The following RCL1 variants were observed in gnomAD, a reference collection of about 807,000 sequenced individuals.
The protein encoded by RCL1 is RNA 3'-terminal phosphate cyclase-like protein.
A neutral mutation model predicts 42.4 loss-of-function variants in RCL1; 24 were observed. The ratio of observed to expected loss-of-function variants is 0.57; its 90% confidence interval spans 0.41 to 0.80. RCL1 has a LOEUF of 0.80. Ranked by LOEUF, RCL1 falls within the 30% of genes least tolerant of loss-of-function variation. RCL1 has a pLI of 0.00. For missense variants in RCL1, 578 were observed against 467.9 expected (o/e 1.24, Z -2.17); for synonymous variants, 228 against 177.3 (o/e 1.29, Z -2.27).
intron 1 of RCL1, among the ~76,000 whole-genome samples, chr9:4,820,744 A>G (rs919625489): frequency 1.3e-5 from 2 of 152,248 alleles, no homozygotes; most frequent in Non-Finnish European, 2.9e-5. Flanking sequence ...AAACCTAAGT[A>G]GAAAGTGGCA....
At chr9:4,833,117 CTTAA>C in intron 3 of RCL1, 33 bp from the exon 4 acceptor site, 2 of 1,426,058 alleles carry the variant, frequency 1.4e-6, no homozygotes, top group Non-Finnish European at 2.0e-6. Context: ...CTGCTGAAGG[CTTAA>C]TTAAACTTTT....
intron 8 of RCL1, among the ~76,000 whole-genome samples, chr9:4,849,907 G>T (rs112587014): frequency 0.032 from 4,814 of 152,094 alleles, 74 homozygotes; most frequent in African/African-American, 0.05. Flanking sequence ...TGTCTAACTT[G>T]CTGTGGGAAA....
chr9:4,805,225 A>C (rs1843082788), intron 1 of RCL1, among the ~76,000 whole-genome samples: 1 of 152,120 alleles, frequency 6.6e-6, no homozygotes, highest in Non-Finnish European at 1.5e-5. Context: ...AACAAAAAAA[A>C]CAAACAAAAC....
chr9:4,819,077 A>G (rs149846215), intron 1 of RCL1, among the ~76,000 whole-genome samples: 1 of 152,314 alleles, frequency 6.6e-6, no homozygotes, highest in East Asian at 1.9e-4. Context: ...TTATAATTTA[A>G]ATTTTGTGTA....
chr9:4,825,832 G>A (rs1003929778), intron 2 of RCL1, among the ~76,000 whole-genome samples: 1 of 151,976 alleles, frequency 6.6e-6, no homozygotes, highest in African/African-American at 2.4e-5. Context: ...TTTTTGGATA[G>A]CCAGGCACAA....
chr9:4,794,318 G>A (rs1388761576), intron 1 of RCL1, among the ~76,000 whole-genome samples: 1 of 152,216 alleles, frequency 6.6e-6, no homozygotes, highest in Admixed American at 6.5e-5. Flanking sequence ...AGGTTAGGAA[G>A]GAAAGAAGCA....
In RCL1 at chr9:4,847,538, G is replaced by A. The variant is rs190913036; in HGVS notation, c.868-1909G>A. 2.0e-5 allele frequency among the ~76,000 whole-genome samples: 3 copies of A among 152,148 alleles called. No homozygotes were observed. In the East Asian group the frequency reaches 5.8e-4, roughly 29 times the overall value. Reference sequence around the variant, plus strand: ...CATCCTTTTCACTGCTCTAATCACTGCCTGCCTCCCTGCTCCACTCCACAA... The same window carrying A: ...CATCCTTTTCACTGCTCTAATCACTACCTGCCTCCCTGCTCCACTCCACAA... On this transcript the variant is annotated intron_variant, in intron 7 of 8. Transcript: ENST00000381750.
chr9:4,817,469 AT>A (rs113177176), intron 1 of RCL1, among the ~76,000 whole-genome samples: 97,089 of 130,950 alleles, frequency 0.74, 35,013 homozygotes, highest in East Asian at 0.93. Flanking sequence ...TTTTTTTTTA[AT>A]CTTTTTTTTT....
At position 4,860,110 on chromosome 9, in the gene RCL1, T is replaced by A; in HGVS notation, c.972-15T>A. The stretch of plus-strand genomic sequence containing the variant: ...AATTTCTTTTTATTTATTTATTTAT[T>A]TTTTTCCTTTTTAGGATAGAATTTT... On this transcript the variant is annotated splice_polypyrimidine_tract_variant and intron_variant, in intron 8 of 8. Coordinates refer to ENST00000381750, the MANE Select transcript of RCL1 (RefSeq NM_005772.5). 6.6e-7 allele frequency: 1 copy of A among 1,506,306 alleles called. No individual in the cohort carries two copies. The highest frequency in any genetic ancestry group is 8.9e-7 in the Non-Finnish European group (1 of 1,117,688). The allele number at this position is 1,506,306 out of a possible 1,614,324, so 93.3% of individuals were successfully genotyped here.
chr9:4,815,407 T>C (rs1033198782), intron 1 of RCL1, among the ~76,000 whole-genome samples: 3 of 152,202 alleles, frequency 2.0e-5, no homozygotes, highest in African/African-American at 7.2e-5. Flanking sequence ...AGTTCTATTA[T>C]ATTTATTTCA....
intron 8 of RCL1, among the ~76,000 whole-genome samples, chr9:4,851,883 C>CTTTT (rs1374859963): frequency 1.3e-4 from 4 of 29,732 alleles, no homozygotes; most frequent in South Asian, 1.1e-3. Flanking sequence ...ATGTGTGAAA[C>CTTTT]TCTTTTTTTT....
rs116636927 is a variant in RCL1 at position 4,823,154 on chromosome 9, C to G, written c.137-394C>G. 3.4e-3 allele frequency among the ~76,000 whole-genome samples: 520 copies of G among 152,240 alleles called. 4 individuals are homozygous for G. Among genetic ancestry groups the G allele is most frequent in the African/African-American group, 0.012 (491 of 41,540 alleles). ...CATTCTGGAGCAGGGAAGAATCTGA[C>G]TTTAAAATTGTTCCCTACTTTCTAC... On this transcript the variant is annotated intron_variant, in intron 1 of 8. Coordinates refer to ENST00000381750, the MANE Select transcript of RCL1 (RefSeq NM_005772.5).
intron 7 of RCL1, among the ~76,000 whole-genome samples, chr9:4,846,190 T>G (rs1455483762): frequency 6.6e-6 from 1 of 152,198 alleles, no homozygotes; most frequent in African/African-American, 2.4e-5. Flanking sequence ...ATGGAACACA[T>G]GAGAATGAGC....
At chr9:4,828,928 A>G (rs1196321440) in intron 3 of RCL1, among the ~76,000 whole-genome samples, 1 of 152,244 alleles carries the variant, frequency 6.6e-6, no homozygotes. Flanking sequence ...TAAAATAAAT[A>G]TACTTAATCC....
At chr9:4,841,196 T>C (rs1817307115) in intron 5 of RCL1, 36 bp from the exon 6 acceptor site, 1 of 1,613,352 alleles carries the variant, frequency 6.2e-7, no homozygotes, top group Non-Finnish European at 8.5e-7. Context: ...TGTCCTGGAA[T>C]TCAAGCAGAA....
rs1182383177 is a variant in RCL1, at chr9:4,827,372, C to T, written c.384+339C>T. The T allele has an allele frequency of 8.7e-6, 8 of 922,062 alleles. No individual in the cohort carries two copies. In the East Asian group the frequency reaches 1.4e-4, roughly 16 times the overall value. 57.1% of individuals were successfully genotyped at this position (922,062 alleles called of 1,614,324 possible). A position where few individuals can be genotyped will look rare whatever the true frequency, so the allele number is the denominator to read the frequency against. On this transcript the variant is annotated intron_variant, in intron 3 of 8. Transcript: ENST00000381750. ...GAGTTTTTGTAAGATCCTGTGGTAG[C>T]TGAGGCTGGAGGGCAGCTGACCAAA...
At chr9:4,847,150 A>T (rs1180819778) in intron 7 of RCL1, among the ~76,000 whole-genome samples, 1 of 152,134 alleles carries the variant, frequency 6.6e-6, no homozygotes, top group African/African-American at 2.4e-5. Context: ...AAGTGCTGGG[A>T]TTACAGACGT....
rs1818160986 is a variant in RCL1, at chr9:4,861,057, C to T, written c.*782C>T. 2.0e-5 allele frequency: 3 copies of T among 152,196 alleles called. No homozygotes were observed. The highest frequency in any genetic ancestry group is 2.0e-4 in the Admixed American group (3 of 15,272). The allele number at this position is 152,196 out of a possible 1,614,324, so 9.4% of individuals were successfully genotyped here. A position where few individuals can be genotyped will look rare whatever the true frequency, so the allele number is the denominator to read the frequency against. On this transcript the variant is annotated 3_prime_UTR_variant, in exon 9 of 9. Transcript: ENST00000381750. ...ATAATGTAAAGACATTAAATCTCCTCATTTAAGGATCTAAGTGTAATAAGT... is the reference window on the plus strand; with the variant it reads ...ATAATGTAAAGACATTAAATCTCCTTATTTAAGGATCTAAGTGTAATAAGT...
chr9:4,829,424 C>T (rs1193173060), intron 3 of RCL1, among the ~76,000 whole-genome samples: 3 of 152,074 alleles, frequency 2.0e-5, no homozygotes, highest in Non-Finnish European at 2.9e-5. Flanking sequence ...AAGATCATTC[C>T]CATTTGACAA....
Sources: allele counts gnomAD v4.1 joint callset (sites outside exome capture counted in the v4.1 genomes callset), GRCh38; gene constraint gnomAD v4.1.1; transcripts MANE v1.5; gene names NCBI Gene and HGNC (gene_info 2026-07-23, HGNC 2026-07-21).